The following C3orf33 variants were observed in gnomAD, a reference collection of about 807,000 sequenced individuals.
C3orf33 encodes the protein mitochondrial inner membrane subdomain organizer 1, also known as AP-1 activity suppressor.
C3orf33 carries 23 observed loss-of-function variants against 28.7 expected under a neutral mutation model. That is an observed-to-expected ratio of 0.80 (90% CI 0.58 to 1.13). The LOEUF (loss-of-function observed/expected upper bound fraction) is 1.13, where lower values mean the gene tolerates loss of function less well. Ranked by LOEUF, C3orf33 falls within the 50% of genes most tolerant of loss-of-function variation. C3orf33 has a pLI of 0.00. For missense variants in C3orf33, 327 were observed against 353.4 expected (o/e 0.93, Z 0.60); for synonymous variants, 119 against 120.5 (o/e 0.99, Z 0.08).
chr3:155,800,027 T>G (rs1444962032), intron 2 of C3orf33, among the ~76,000 whole-genome samples: 1 of 152,128 alleles, frequency 6.6e-6, no homozygotes, highest in Non-Finnish European at 1.5e-5. Context: ...GTGACTACAG[T>G]CAACAATAAT....
intron 3 of C3orf33, among the ~76,000 whole-genome samples, chr3:155,772,772 C>CTGTGTGTG (rs60966459): frequency 0.066 from 9,406 of 142,052 alleles, 343 homozygotes; most frequent in Non-Finnish European, 0.073. Flanking sequence ...TTTTTAGGCT[C>CTGTGTGTG]TGTGTGTGTG....
intron 3 of C3orf33, among the ~76,000 whole-genome samples, chr3:155,771,059 A>G: frequency 9.3e-6 from 1 of 107,252 alleles, no homozygotes; most frequent in Admixed American, 9.8e-5. Context: ...GTGTGTGTTG[A>G]GACATAGTTT....
At chr3:155,779,611 T>C (rs935090012) in intron 2 of C3orf33, among the ~76,000 whole-genome samples, 3 of 151,450 alleles carry the variant, frequency 2.0e-5, no homozygotes, top group Non-Finnish European at 4.4e-5. Flanking sequence ...TCATATTTCA[T>C]AAAAGGCTTT....
intron 3 of C3orf33, among the ~76,000 whole-genome samples, chr3:155,769,485 CAAAAAAAAAAA>C (rs59639224): frequency 2.4e-5 from 2 of 84,336 alleles, no homozygotes; most frequent in African/African-American, 7.9e-5. Context: ...GAGACTGTTT[CAAAAAAAAAAA>C]AAAAAAAGAA....
At chr3:155,767,964 C>T (rs1206395615) in intron 3 of C3orf33, among the ~76,000 whole-genome samples, 1 of 152,154 alleles carries the variant, frequency 6.6e-6, no homozygotes, top group African/African-American at 2.4e-5. Context: ...ACTGCAATCT[C>T]TGCCTCCCAG....
intron 2 of C3orf33, among the ~76,000 whole-genome samples, chr3:155,783,005 A>G (rs1202556419): frequency 6.6e-6 from 1 of 152,160 alleles, no homozygotes; most frequent in African/African-American, 2.4e-5. Flanking sequence ...AAAGTGGAAA[A>G]TTCCACACCA....
chr3:155,779,367 T>C (rs1187189768), intron 2 of C3orf33, among the ~76,000 whole-genome samples: 1 of 152,156 alleles, frequency 6.6e-6, no homozygotes. Flanking sequence ...TGATCTCGGC[T>C]CACTACAATC....
chr3:155,779,560 G>T (rs764348761), intron 2 of C3orf33, among the ~76,000 whole-genome samples: 2 of 152,236 alleles, frequency 1.3e-5, no homozygotes, highest in South Asian at 4.1e-4. Context: ...CTCCCAAAGC[G>T]CTGGGATTAC....
chr3:155,786,773 G>A (rs1174326033), intron 2 of C3orf33, among the ~76,000 whole-genome samples: 2 of 152,246 alleles, frequency 1.3e-5, no homozygotes, highest in Non-Finnish European at 2.9e-5. Flanking sequence ...AGAGGTTGCA[G>A]TGAGCTGAGA....
At chr3:155,782,811 G>A (rs933323834) in intron 2 of C3orf33, among the ~76,000 whole-genome samples, 1 of 152,182 alleles carries the variant, frequency 6.6e-6, no homozygotes, top group Non-Finnish European at 1.5e-5. Context: ...AAGAGATAAA[G>A]ATCTTGGTAA....
At chr3:155,771,394 G>A (rs58793189) in intron 3 of C3orf33, among the ~76,000 whole-genome samples, 3,280 of 152,142 alleles carry the variant, frequency 0.022, 123 homozygotes, top group African/African-American at 0.075. Context: ...CAATGCTCTC[G>A]CCTCAGCCTC....
intron 2 of C3orf33, among the ~76,000 whole-genome samples, chr3:155,784,258 G>A (rs1751032845): frequency 6.6e-6 from 1 of 152,022 alleles, no homozygotes; most frequent in Non-Finnish European, 1.5e-5. Flanking sequence ...TATCCACAAT[G>A]TACAAAAATG....
chr3:155,770,226 G>T (rs748627872), intron 3 of C3orf33, among the ~76,000 whole-genome samples: 6 of 152,162 alleles, frequency 3.9e-5, no homozygotes, highest in African/African-American at 1.4e-4. Flanking sequence ...CTTCTTGGAT[G>T]TGGGACAAGA....
intron 2 of C3orf33, among the ~76,000 whole-genome samples, chr3:155,794,342 T>C (rs1751419189): frequency 1.3e-5 from 2 of 152,058 alleles, no homozygotes; most frequent in Admixed American, 1.3e-4. Flanking sequence ...GATAAGATAT[T>C]TGCAAGCCTC....
At chr3:155,794,686 A>C (rs758288383) in intron 2 of C3orf33, among the ~76,000 whole-genome samples, 1 of 152,130 alleles carries the variant, frequency 6.6e-6, no homozygotes, top group Non-Finnish European at 1.5e-5. Flanking sequence ...AAGAAATAGA[A>C]AAAGATACTC....
chr3:155,802,370 T>C (rs1399925774), intron 2 of C3orf33, among the ~76,000 whole-genome samples, 162 bp downstream of exon 2: 3 of 152,248 alleles, frequency 2.0e-5, no homozygotes, highest in African/African-American at 7.2e-5. Context: ...GGATGTGTTA[T>C]ATTTAAACCA....
At chr3:155,770,168 A>G (rs1326385011) in intron 3 of C3orf33, among the ~76,000 whole-genome samples, 3 of 152,212 alleles carry the variant, frequency 2.0e-5, no homozygotes, top group East Asian at 1.9e-4. Flanking sequence ...TTATCACTCA[A>G]CAAAACTCTT....
At chr3:155,767,419 T>C in intron 4 of C3orf33, 90 bp downstream of exon 4, 1 of 1,037,230 alleles carries the variant, frequency 9.6e-7, no homozygotes, top group Non-Finnish European at 1.3e-6. Context: ...GTCAGTCCCA[T>C]TATATATCCA....
chr3:155,773,388 C>T (rs1430659634), intron 3 of C3orf33, among the ~76,000 whole-genome samples: 1 of 152,184 alleles, frequency 6.6e-6, no homozygotes, highest in African/African-American at 2.4e-5. Flanking sequence ...AGACATTTAA[C>T]ATCTGTTTCT....
Sources: allele counts gnomAD v4.1 joint callset (sites outside exome capture counted in the v4.1 genomes callset), GRCh38; gene constraint gnomAD v4.1.1; transcripts MANE v1.5; gene names NCBI Gene and HGNC (gene_info 2026-07-23, HGNC 2026-07-21).